The following ITGA8 variants were observed in gnomAD, a reference collection of about 807,000 sequenced individuals.
The protein encoded by ITGA8 is integrin alpha-8.
In ITGA8, 91 loss-of-function variants were observed where a neutral mutation model predicts 142.3. The ratio of observed to expected loss-of-function variants is 0.64; its 90% confidence interval spans 0.54 to 0.76. ITGA8 has a LOEUF of 0.76. Among genes scored for constraint, ITGA8 ranks in the 30% least tolerant of loss-of-function variants. ITGA8 has a pLI of 0.00. For synonymous variants in ITGA8, 505 were observed against 485.2 expected, an observed-to-expected ratio of 1.04 and a Z score of -0.54; for missense variants, 1,406 against 1,327.7, an observed-to-expected ratio of 1.06 and a Z score of -0.92.
chr10:15,614,101 T>C (rs146403623), intron 14 of ITGA8, among the ~76,000 whole-genome samples: 1 of 152,382 alleles, frequency 6.6e-6, no homozygotes, highest in African/African-American at 2.4e-5. Flanking sequence ...CTCTGCCACC[T>C]GCTAGCATAT....
chr10:15,566,668 A>G lies in ITGA8; in HGVS notation c.2637+5543T>C, dbSNP rs115016993. ...TCTACAAATAAATACAAAAATCAGC[A>G]AGGTGGGTGGTACATTCCTGTAGTC... is the stretch of plus-strand genomic sequence containing the variant. On this transcript the variant is annotated intron_variant, in intron 25 of 29. Coordinates refer to ENST00000378076, the MANE Select transcript of ITGA8 (RefSeq NM_003638.3). Among the ~76,000 whole-genome samples the G allele has an allele frequency of 1.0e-2, 1,508 of 151,540 alleles. 20 individuals are homozygous for G. The highest frequency in any genetic ancestry group is 0.034 in the African/African-American group (1,387 of 41,376).
chr10:15,686,336 TA>T (rs1227309984), intron 3 of ITGA8, among the ~76,000 whole-genome samples: 1 of 152,210 alleles, frequency 6.6e-6, no homozygotes, highest in Non-Finnish European at 1.5e-5. Flanking sequence ...TTCCCCAAGT[TA>T]TCTGGTTCAT....
intron 3 of ITGA8, among the ~76,000 whole-genome samples, chr10:15,686,988 A>G (rs548384114): frequency 5.9e-5 from 9 of 152,312 alleles, no homozygotes; most frequent in African/African-American, 2.2e-4. Context: ...TTCAACAGCA[A>G]TTCCCATAAG....
chr10:15,654,181 C>G (rs750178507), intron 11 of ITGA8, among the ~76,000 whole-genome samples: 36 of 152,168 alleles, frequency 2.4e-4, no homozygotes, highest in Admixed American at 3.9e-4. Context: ...TTTTTTAGCA[C>G]TGAATAAAAC....
intron 19 of ITGA8, among the ~76,000 whole-genome samples, chr10:15,604,896 A>G (rs1833167099): frequency 6.6e-6 from 1 of 152,188 alleles, no homozygotes; most frequent in African/African-American, 2.4e-5. Context: ...AATCACTGGT[A>G]GAGGACTTCA....
In ITGA8 at chr10:15,576,566, G is replaced by T. The variant is rs76196427; in HGVS notation, c.2373-972C>A. ...CTCTTTTGGCAATCAGATGTCATAG[G>T]GCCCTTTTAAAGGTATCCAATAATT... On this transcript the variant is annotated intron_variant, in intron 23 of 29. Transcript: ENST00000378076. Among the ~76,000 whole-genome samples the T allele has an allele frequency of 3.9e-3, 591 of 152,070 alleles. 5 individuals carry two copies. The highest frequency in any genetic ancestry group is 0.014 in the African/African-American group (570 of 41,476).
chr10:15,570,542 G>A (rs979964917), intron 25 of ITGA8, among the ~76,000 whole-genome samples: 2 of 150,936 alleles, frequency 1.3e-5, no homozygotes, highest in African/African-American at 4.9e-5. Flanking sequence ...CACAGGAAGT[G>A]GAGGTTGCAG....
intron 26 of ITGA8, among the ~76,000 whole-genome samples, chr10:15,548,842 C>T (rs1243527830): frequency 1.3e-5 from 2 of 152,168 alleles, no homozygotes; most frequent in Non-Finnish European, 2.9e-5. Flanking sequence ...GTTTCATTTT[C>T]TCAGAACTGG....
At chr10:15,536,460 A>G (rs571713367) in intron 27 of ITGA8, among the ~76,000 whole-genome samples, 1 of 152,206 alleles carries the variant, frequency 6.6e-6, no homozygotes, top group Non-Finnish European at 1.5e-5. Flanking sequence ...ATGGAAAGCA[A>G]TTACGGGCAG....
intron 15 of ITGA8, 40 bp downstream of exon 15, chr10:15,613,620 G>T: frequency 7.7e-7 from 1 of 1,302,216 alleles, no homozygotes; most frequent in South Asian, 1.2e-5. Context: ...CAGGTGATGT[G>T]AATTCACATT....
At chr10:15,531,026 C>T (rs1432937759) in intron 28 of ITGA8, 24 bp downstream of exon 28, 1 of 1,082,814 alleles carries the variant, frequency 9.2e-7, no homozygotes, top group Non-Finnish European at 1.4e-6. Context: ...TTATTTGTGC[C>T]TATATATATT....
intron 25 of ITGA8, among the ~76,000 whole-genome samples, chr10:15,564,344 C>A (rs957306038): frequency 6.6e-6 from 1 of 152,210 alleles, no homozygotes; most frequent in Non-Finnish European, 1.5e-5. Flanking sequence ...GCCTCTTTCA[C>A]AATTGACAGT....
At chr10:15,586,735 A>G (rs889176012) in intron 22 of ITGA8, 71 bp from the exon 23 acceptor site, 27 of 867,114 alleles carry the variant, frequency 3.1e-5, no homozygotes, top group Admixed American at 2.4e-4. Context: ...ATCATAAAAA[A>G]CATTCTACAT....
At chr10:15,655,451 A>G (rs780084829) in intron 10 of ITGA8, 45 bp from the exon 11 acceptor site, 13 of 1,290,198 alleles carry the variant, frequency 1.0e-5, no homozygotes, top group Admixed American at 8.5e-5. Context: ...CCAAAAAGTC[A>G]TTTTTGTAGT....
intron 2 of ITGA8, among the ~76,000 whole-genome samples, chr10:15,708,915 C>T (rs1284729218): frequency 6.6e-6 from 1 of 152,114 alleles, no homozygotes; most frequent in Non-Finnish European, 1.5e-5. Flanking sequence ...GGCCAAGCCT[C>T]CCTATCAAAT....
At chr10:15,636,471 T>C (rs1833773757) in intron 13 of ITGA8, among the ~76,000 whole-genome samples, 1 of 152,214 alleles carries the variant, frequency 6.6e-6, no homozygotes, top group Non-Finnish European at 1.5e-5. Flanking sequence ...TAAAAACGTA[T>C]TGGGTGGTTG....
chr10:15,576,928 C>T (rs775865309), intron 23 of ITGA8, among the ~76,000 whole-genome samples: 2 of 152,120 alleles, frequency 1.3e-5, no homozygotes, highest in East Asian at 3.9e-4. Flanking sequence ...GACATTTCTG[C>T]GTTTATATTG....
At chr10:15,558,671 CCA>C (rs1479408938) in intron 25 of ITGA8, among the ~76,000 whole-genome samples, 3 of 152,106 alleles carry the variant, frequency 2.0e-5, no homozygotes, top group Non-Finnish European at 4.4e-5. Context: ...GTCAAAGACC[CCA>C]CATCCACATG....
intron 2 of ITGA8, among the ~76,000 whole-genome samples, chr10:15,694,192 T>A (rs968610812): frequency 1.5e-3 from 206 of 136,092 alleles, no homozygotes; most frequent in East Asian, 4.4e-3. Flanking sequence ...ATCATATATA[T>A]GATAATATAT....
Sources: allele counts gnomAD v4.1 joint callset (sites outside exome capture counted in the v4.1 genomes callset), GRCh38; gene constraint gnomAD v4.1.1; transcripts MANE v1.5; gene names NCBI Gene and HGNC (gene_info 2026-07-23, HGNC 2026-07-21).